XPO7: variants seen among roughly 807,000 people sequenced by gnomAD.
XPO7 encodes exportin 7, also known as exportin-7.
Under a neutral mutation model 144.3 loss-of-function variants are expected in XPO7, and 21 were observed. The observed-to-expected ratio is 0.15, with a 90% CI of 0.10 to 0.21. XPO7 has a LOEUF of 0.21. Ranked by LOEUF, XPO7 falls within the 10% of genes least tolerant of loss-of-function variation. XPO7 has a pLI of 1.00. For missense variants in XPO7, 808 were observed against 1,325.8 expected (o/e 0.61, Z 6.06); for synonymous variants, 580 against 499.6 (o/e 1.16, Z -2.15).
chr8:21,999,332 T>C (rs762466126), intron 23 of XPO7, 27 bp downstream of exon 23: 1 of 1,610,350 alleles, frequency 6.2e-7, no homozygotes, highest in African/African-American at 1.3e-5. Flanking sequence ...ATTGCCACAA[T>C]CTTGTTCCTC....
intron 12 of XPO7, 36 bp from the exon 13 acceptor site, chr8:21,985,550 C>G (rs1585469515): frequency 1.9e-6 from 3 of 1,574,368 alleles, no homozygotes; most frequent in Non-Finnish European, 2.6e-6. Flanking sequence ...AAGAAACTAT[C>G]ACTGGAGGTG....
intron 1 of XPO7, among the ~76,000 whole-genome samples, chr8:21,927,745 A>T (rs192232688): frequency 1.1e-3 from 161 of 152,070 alleles, no homozygotes; most frequent in African/African-American, 3.7e-3. Context: ...GAGTTTCTCC[A>T]TGTTGGTCCG....
chr8:21,939,970 A>C (rs534736739), intron 1 of XPO7, among the ~76,000 whole-genome samples: 5 of 152,246 alleles, frequency 3.3e-5, no homozygotes, highest in Non-Finnish European at 5.9e-5. Context: ...TTTAAGAACT[A>C]CTGAGTTATT....
intron 1 of XPO7, among the ~76,000 whole-genome samples, chr8:21,935,588 T>G (rs990261324): frequency 2.6e-5 from 4 of 152,228 alleles, no homozygotes; most frequent in Admixed American, 2.0e-4. Flanking sequence ...TGCTTTTTTC[T>G]CATAGATAGG....
intron 4 of XPO7, among the ~76,000 whole-genome samples, chr8:21,971,135 G>A (rs1370737280): frequency 6.6e-6 from 1 of 152,148 alleles, no homozygotes; most frequent in Non-Finnish European, 1.5e-5. Context: ...ATAGTCACGT[G>A]GTGTACAAGT....
intron 1 of XPO7, among the ~76,000 whole-genome samples, chr8:21,942,613 G>T (rs1811030222): frequency 6.6e-6 from 1 of 152,228 alleles, no homozygotes; most frequent in South Asian, 2.1e-4. Context: ...AAGGGGAGGA[G>T]TATTTCAATA....
At chr8:21,949,041 G>T (rs572987516) in intron 1 of XPO7, among the ~76,000 whole-genome samples, 1 of 152,286 alleles carries the variant, frequency 6.6e-6, no homozygotes, top group East Asian at 1.9e-4. Flanking sequence ...GATGAGAACA[G>T]ATGAAAGTTT....
chr8:21,977,210 A>G (rs532460505), intron 7 of XPO7, among the ~76,000 whole-genome samples: 1 of 152,344 alleles, frequency 6.6e-6, no homozygotes, highest in African/African-American at 2.4e-5. Flanking sequence ...TTTTATGGAC[A>G]GAGGTGTTCA....
intron 1 of XPO7, among the ~76,000 whole-genome samples, chr8:21,920,652 T>A (rs868234012): frequency 2.6e-5 from 4 of 152,156 alleles, no homozygotes; most frequent in South Asian, 4.1e-4. Flanking sequence ...CCAAACCCAG[T>A]AGCAGATGGA....
Position 21,990,897 on chromosome 8 carries a change from G to A in XPO7, c.2019G>A (p.Gly673=), listed in dbSNP as rs776753228. 1.2e-6 allele frequency: 2 copies of A among 1,613,858 alleles called. No individual in the cohort carries two copies. Among genetic ancestry groups the A allele is most frequent in the Non-Finnish European group, 1.7e-6 (2 of 1,179,844 alleles). Residue 673 remains glycine, a synonymous_variant, in exon 18 of 28, where the codon GGG becomes GGA. Coordinates refer to ENST00000252512, the MANE Select transcript of XPO7 (RefSeq NM_015024.5). The part of the protein sequence containing the change: ...RCRTTFYTAL[G]RLLMVDLGED... ...GGACTACCTTCTACACAGCACTTGG[G>A]CGTCTCCTCATGGTGGATTTAGGTA...
chr8:21,966,973 C>G lies in XPO7; in HGVS notation c.135C>G (p.Ser45Arg). The change falls in exon 2 of 28, where the codon AGC (serine) becomes AGG (arginine). Residue 45 changes from serine to arginine, a missense_variant. This residue lies in a region of XPO7 where 223 missense variants were observed against 368.8 expected (regional missense o/e 0.60). Transcript: ENST00000252512. ...TTACCAACAGCCCTGATTGCCTGAG[C>G]AAGTGCCAGCTACTCCTCGAAAGAG... ...VEFTNSPDCL[S>R]KCQLLLERGS... is the part of the protein sequence containing the mutation. 1 of 1,613,738 alleles carries G rather than the reference C, an allele frequency of 6.2e-7. No individual in the cohort carries two copies. The highest frequency in any genetic ancestry group is 8.5e-7 in the Non-Finnish European group (1 of 1,179,734).
At chr8:21,946,761 T>C (rs894999430) in intron 1 of XPO7, among the ~76,000 whole-genome samples, 1 of 150,350 alleles carries the variant, frequency 6.7e-6, no homozygotes, top group African/African-American at 2.5e-5. Flanking sequence ...TAAAACAGGA[T>C]AAATTTTAAA....
At chr8:21,980,632 G>A (rs907345778) in intron 9 of XPO7, among the ~76,000 whole-genome samples, 9 of 151,978 alleles carry the variant, frequency 5.9e-5, no homozygotes, top group Non-Finnish European at 4.4e-5. Flanking sequence ...AAAATTAGCC[G>A]GCCATGGTGG....
chr8:21,931,858 T>G (rs1203887543), intron 1 of XPO7, among the ~76,000 whole-genome samples: 1 of 152,184 alleles, frequency 6.6e-6, no homozygotes, highest in African/African-American at 2.4e-5. Flanking sequence ...AATCTTCTAT[T>G]CTGCTAGAAG....
chr8:21,987,204 G>C lies in XPO7; in HGVS notation c.1641G>C (p.Glu547Asp). 1 of 1,614,026 alleles carries C rather than the reference G, an allele frequency of 6.2e-7. No individual in the cohort carries two copies. The highest frequency in any genetic ancestry group is 8.5e-7 in the Non-Finnish European group (1 of 1,179,884). The change falls in exon 14 of 28, where the codon GAG becomes GAC. Residue 547 changes from glutamate (E) to aspartate (D), a missense_variant. By Grantham distance (45) the Glu-to-Asp change is conservative (BLOSUM62 2). This residue lies in a region of XPO7 where 416 missense variants were observed against 612.5 expected (regional missense o/e 0.68). Coordinates refer to ENST00000252512, the MANE Select transcript of XPO7 (RefSeq NM_015024.5). Reference protein sequence around the residue: ...RLAQAGNEKLELAMLSFFEQF... With the variant: ...RLAQAGNEKLDLAMLSFFEQF... ...CCCAGGCGGGTAATGAGAAGCTAGA[G>C]TTGGCCATGCTGAGCTTTTTTGAAC...
chr8:21,922,424 C>G (rs939088870), intron 1 of XPO7, among the ~76,000 whole-genome samples: 1 of 152,150 alleles, frequency 6.6e-6, no homozygotes, highest in African/African-American at 2.4e-5. Context: ...GGGTTTCTTA[C>G]TCTTGGTCTT....
chr8:21,941,931 A>G (rs1276076201), intron 1 of XPO7, among the ~76,000 whole-genome samples: 1 of 152,202 alleles, frequency 6.6e-6, no homozygotes, highest in African/African-American at 2.4e-5. Flanking sequence ...CAAAATAAAT[A>G]AACTGTGATG....
At chr8:21,999,064 A>G in intron 22 of XPO7, 27 bp from the exon 23 acceptor site, 1 of 1,611,932 alleles carries the variant, frequency 6.2e-7, no homozygotes, top group South Asian at 1.1e-5. Context: ...ATGTGGTTGA[A>G]TAAACATATA....
chr8:22,003,275 T>C lies in XPO7; in HGVS notation c.3000T>C (p.Ser1000=), dbSNP rs1218879994. Residue 1000 remains serine (S), a synonymous_variant, in exon 26 of 28, where the codon TCT becomes TCC. Transcript: ENST00000252512. ...TTGAAGACTGTAGGAACCAGTGGTC[T>C]ATGTCCCGACCACTACTTGGCTTGA... ...IIFEDCRNQW[S]MSRPLLGLIL... The C allele has an allele frequency of 1.9e-6, 3 of 1,613,092 alleles. No homozygotes were observed. In the African/African-American group the frequency reaches 4.0e-5, roughly 22 times the overall value.
Sources: allele counts gnomAD v4.1 joint callset (sites outside exome capture counted in the v4.1 genomes callset), GRCh38; gene constraint gnomAD v4.1.1; regional missense constraint gnomAD v4.1.1; transcripts MANE v1.5; gene names NCBI Gene and HGNC (gene_info 2026-07-23, HGNC 2026-07-21).